Variants in FNBP1L observed in about 807,000 individuals in gnomAD.
FNBP1L encodes the protein formin binding protein 1 like.
Under a neutral mutation model 91.2 loss-of-function variants are expected in FNBP1L, and 36 were observed. The observed-to-expected ratio is 0.39, with a 90% CI of 0.30 to 0.52. The LOEUF is 0.52. Among genes scored for constraint, FNBP1L ranks in the 20% least tolerant of loss-of-function variants. The probability of loss-of-function intolerance (pLI) is 0.66; values close to 1 mark genes in which losing one functional copy is unlikely to be tolerated. For missense variants in FNBP1L, 571 were observed against 732.1 expected, an observed-to-expected ratio of 0.78 and a Z score of 2.54; for synonymous variants, 242 against 237.0, an observed-to-expected ratio of 1.02 and a Z score of -0.19.
chr1:93,497,378 AT>A, intron 1 of FNBP1L, among the ~76,000 whole-genome samples: 1 of 152,220 alleles, frequency 6.6e-6, no homozygotes, highest in South Asian at 2.1e-4. Context: ...AAACCTTTGC[AT>A]ATTGGCAGGT....
At chr1:93,540,143 C>G (rs1278730870) in intron 10 of FNBP1L, among the ~76,000 whole-genome samples, 1 of 152,000 alleles carries the variant, frequency 6.6e-6, no homozygotes, top group Non-Finnish European at 1.5e-5. Context: ...TATTGACCCA[C>G]AGAATGTGGG....
intron 1 of FNBP1L, among the ~76,000 whole-genome samples, chr1:93,459,371 A>T (rs1668783084): frequency 6.6e-6 from 1 of 152,162 alleles, no homozygotes; most frequent in East Asian, 1.9e-4. Context: ...AGGAACTCAG[A>T]CAACTCTAGC....
chr1:93,552,348 C>A, intron 16 of FNBP1L, 61 bp from the exon 17 acceptor site: 1 of 1,586,378 alleles, frequency 6.3e-7, no homozygotes, highest in East Asian at 2.3e-5. Context: ...ACTGAACACC[C>A]CTTTTGGTTT....
chr1:93,525,675 G>A (rs1354201155), intron 5 of FNBP1L, among the ~76,000 whole-genome samples: 4 of 152,076 alleles, frequency 2.6e-5, no homozygotes, highest in Admixed American at 1.3e-4. Flanking sequence ...ACAATTGACC[G>A]TTGTTAAGCA....
chr1:93,526,587 G>A (rs576122872), intron 5 of FNBP1L, among the ~76,000 whole-genome samples: 1 of 152,226 alleles, frequency 6.6e-6, no homozygotes, highest in East Asian at 1.9e-4. Context: ...CTGGCTGTGG[G>A]GAGTCTAGGA....
chr1:93,507,212 TATTATA>T (rs547466449), intron 2 of FNBP1L, among the ~76,000 whole-genome samples: 34 of 141,242 alleles, frequency 2.4e-4, no homozygotes, highest in Non-Finnish European at 1.8e-4. Context: ...CTATGGAATC[TATTATA>T]ATTTCTGTAA....
rs1213178723 is a variant in FNBP1L at position 93,487,124 on chromosome 1, A to AT, written c.25-12344_25-12343insT. ...TGATCTGCATGTTGCTAAAGTGGTC[A>AT]GTTTTCAGTCTTTTTACTACTTTTA... On this transcript the variant is annotated intron_variant, in intron 1 of 16. Transcript: ENST00000271234. 8.9e-4 allele frequency among the ~76,000 whole-genome samples: 136 copies of AT among 152,298 alleles called. 1 individual carries two copies. Among genetic ancestry groups the AT allele is most frequent in the Non-Finnish European group, 1.7e-3 (117 of 68,016 alleles).
intron 1 of FNBP1L, among the ~76,000 whole-genome samples, chr1:93,462,391 C>T (rs956246999): frequency 2.6e-5 from 4 of 152,090 alleles, no homozygotes; most frequent in Non-Finnish European, 5.9e-5. Context: ...TAACATCCTA[C>T]ATTAGTATGG....
intron 1 of FNBP1L, among the ~76,000 whole-genome samples, chr1:93,449,664 C>T (rs543058162): frequency 7.9e-5 from 12 of 152,244 alleles, no homozygotes; most frequent in South Asian, 4.2e-4. Context: ...GAAAACACAC[C>T]ACCCAAGAGA....
chr1:93,470,610 G>A (rs1171647653), intron 1 of FNBP1L, among the ~76,000 whole-genome samples: 1 of 151,896 alleles, frequency 6.6e-6, no homozygotes, highest in Non-Finnish European at 1.5e-5. Flanking sequence ...CGGTGGCTCA[G>A]ACCTGTAATC....
chr1:93,510,147 C>G (rs891945970), intron 2 of FNBP1L, among the ~76,000 whole-genome samples: 1 of 152,220 alleles, frequency 6.6e-6, no homozygotes. Context: ...GTAGGCTCCA[C>G]CTCTGGGGGC....
chr1:93,506,200 A>C (rs940383892), intron 2 of FNBP1L, among the ~76,000 whole-genome samples: 1 of 152,074 alleles, frequency 6.6e-6, no homozygotes, highest in East Asian at 1.9e-4. Flanking sequence ...GCTAGGTCAC[A>C]GAAAAAAATA....
At chr1:93,550,900 A>G (rs900393819) in intron 15 of FNBP1L, 47 bp from the exon 16 acceptor site, 2 of 1,463,570 alleles carry the variant, frequency 1.4e-6, no homozygotes, top group African/African-American at 1.4e-5. Flanking sequence ...AACTTTAAAA[A>G]AAATTATCAC....
chr1:93,458,820 A>G (rs1470366907), intron 1 of FNBP1L, among the ~76,000 whole-genome samples: 1 of 152,220 alleles, frequency 6.6e-6, no homozygotes. Context: ...TTATTGTTCT[A>G]ATTGTTCTCT....
intron 10 of FNBP1L, among the ~76,000 whole-genome samples, chr1:93,540,353 T>A (rs1208947130): frequency 6.6e-6 from 1 of 152,152 alleles, no homozygotes; most frequent in African/African-American, 2.4e-5. Flanking sequence ...ATATGGATTT[T>A]AAAATAAAAC....
chr1:93,474,119 C>A (rs948635827), intron 1 of FNBP1L, among the ~76,000 whole-genome samples: 1 of 152,164 alleles, frequency 6.6e-6, no homozygotes, highest in Non-Finnish European at 1.5e-5. Context: ...TGGTGCATGC[C>A]TGTAATTCTA....
chr1:93,470,434 G>A (rs534204733), intron 1 of FNBP1L, among the ~76,000 whole-genome samples: 1 of 152,278 alleles, frequency 6.6e-6, no homozygotes, highest in South Asian at 2.1e-4. Context: ...AGCCTTGTCT[G>A]TTACTTTTTA....
chr1:93,542,458 A>AAG (rs975779993), intron 11 of FNBP1L, among the ~76,000 whole-genome samples: 12 of 149,948 alleles, frequency 8.0e-5, no homozygotes, highest in African/African-American at 2.9e-4. Flanking sequence ...AAAAAAAAAA[A>AAG]AAAAAAAAGC....
chr1:93,511,965 CAAAAAAAAA>C, intron 2 of FNBP1L, among the ~76,000 whole-genome samples: 2 of 66,298 alleles, frequency 3.0e-5, no homozygotes, highest in African/African-American at 1.1e-4. Flanking sequence ...GACTCCGTCT[CAAAAAAAAA>C]AAAAAAAAAA....
Sources: allele counts gnomAD v4.1 joint callset (sites outside exome capture counted in the v4.1 genomes callset), GRCh38; gene constraint gnomAD v4.1.1; transcripts MANE v1.5; gene names NCBI Gene and HGNC (gene_info 2026-07-23, HGNC 2026-07-21).